Variants in SAMD5 observed in about 807,000 individuals in gnomAD.
The protein encoded by SAMD5 is sterile alpha motif domain containing 5.
SAMD5 carries 13 observed loss-of-function variants against 11.3 expected under a neutral mutation model. The ratio of observed to expected loss-of-function variants is 1.15; its 90% CI spans 0.75 to 1.83. SAMD5 has a LOEUF of 1.83. Ranked by LOEUF, SAMD5 falls within the 40% of genes most tolerant of loss-of-function variation. The pLI is 0.00. For missense variants in SAMD5, 255 were observed against 239.1 expected (o/e 1.07, Z -0.44); for synonymous variants, 129 against 111.3 (o/e 1.16, Z -1.00).
At chr6:147,768,107 A>G in the SAMD5 span, among the ~76,000 whole-genome samples, 1 of 152,210 alleles carries the variant, frequency 6.6e-6, no homozygotes. Context: ...CCAGTTATGG[A>G]AGCAAAGTGT....
At chr6:147,632,026 T>C (rs533187109) in intron 1 of SAMD5, among the ~76,000 whole-genome samples, 41 of 152,146 alleles carry the variant, frequency 2.7e-4, no homozygotes, top group African/African-American at 9.2e-4. Context: ...TTGCCTTGTG[T>C]GGGAAGAGAT....
chr6:147,803,951 G>A, the SAMD5 span, among the ~76,000 whole-genome samples: 3 of 151,894 alleles, frequency 2.0e-5, no homozygotes, highest in Non-Finnish European at 4.4e-5. Context: ...GCTCCTTCTC[G>A]CCTTGCAGAC....
intron 1 of SAMD5, among the ~76,000 whole-genome samples, chr6:147,513,467 C>T (rs1788119450): frequency 1.3e-5 from 2 of 152,066 alleles, no homozygotes; most frequent in South Asian, 4.2e-4. Flanking sequence ...AGGAGAACAG[C>T]GAGTTTGGGC....
intron 1 of SAMD5, among the ~76,000 whole-genome samples, chr6:147,674,418 C>T (rs991081996): frequency 2.6e-5 from 4 of 152,120 alleles, no homozygotes; most frequent in African/African-American, 9.7e-5. Flanking sequence ...CTCAAAGCCT[C>T]GATTCATAGC....
the SAMD5 span, among the ~76,000 whole-genome samples, chr6:147,750,723 A>G: frequency 6.6e-6 from 1 of 152,192 alleles, no homozygotes; most frequent in African/African-American, 2.4e-5. Flanking sequence ...CAGGAGTTTG[A>G]GACTACCCTG....
chr6:147,802,846 C>G, the SAMD5 span, among the ~76,000 whole-genome samples: 1 of 152,196 alleles, frequency 6.6e-6, no homozygotes, highest in Non-Finnish European at 1.5e-5. Context: ...CAATATGACA[C>G]AGTTTTTATG....
intron 1 of SAMD5, among the ~76,000 whole-genome samples, chr6:147,594,178 A>G (rs1944644): frequency 0.05 from 7,570 of 152,158 alleles, 571 homozygotes; most frequent in African/African-American, 0.16. Flanking sequence ...GTGCAACAAT[A>G]AGCACTTCCA....
chr6:147,586,636 T>C (rs1021790996), intron 1 of SAMD5, among the ~76,000 whole-genome samples: 1 of 151,944 alleles, frequency 6.6e-6, no homozygotes, highest in Non-Finnish European at 1.5e-5. Context: ...TACTCTGTGA[T>C]AATTGTGGGA....
At chr6:147,718,877 G>C (rs1791504967) in intron 1 of SAMD5, among the ~76,000 whole-genome samples, 1 of 152,122 alleles carries the variant, frequency 6.6e-6, no homozygotes. Context: ...TTTTAGTAGA[G>C]ATGGGGTTTC....
At chr6:147,806,599 C>T in the SAMD5 span, among the ~76,000 whole-genome samples, 2 of 152,196 alleles carry the variant, frequency 1.3e-5, no homozygotes, top group African/African-American at 4.8e-5. Flanking sequence ...TACCACTGAA[C>T]TAGAACCTTC....
At chr6:147,659,371 A>G (rs1790614968) in intron 1 of SAMD5, among the ~76,000 whole-genome samples, 1 of 152,098 alleles carries the variant, frequency 6.6e-6, no homozygotes, top group African/African-American at 2.4e-5. Flanking sequence ...AGCAAAGCTT[A>G]TCAATGTGAC....
At chr6:147,663,716 CG>C (rs1218309694) in intron 1 of SAMD5, among the ~76,000 whole-genome samples, 15 of 144,142 alleles carry the variant, frequency 1.0e-4, no homozygotes, top group Non-Finnish European at 1.6e-4. Context: ...CACTTGAACC[CG>C]GGGGGCAGAG....
At chr6:147,513,079 G>A (rs1788114052) in intron 1 of SAMD5, among the ~76,000 whole-genome samples, 1 of 152,164 alleles carries the variant, frequency 6.6e-6, no homozygotes, top group African/African-American at 2.4e-5. Context: ...GAGGAAGTTT[G>A]GCATCAACAG....
chr6:147,881,733 G>A, the SAMD5 span, among the ~76,000 whole-genome samples: 267 of 152,282 alleles, frequency 1.8e-3, 1 homozygote, highest in African/African-American at 5.7e-3. Context: ...TGCCAAAATC[G>A]GCTCCTTGCG....
In SAMD5 at chr6:147,568,387, A is replaced by G. The variant is rs971877105; in HGVS notation, c.*3931A>G. ...GTTAACATAATTAAAATGCTTGGAC[A>G]AAACATTTGCTTTATATAGATTCTT... On this transcript the variant is annotated 3_prime_UTR_variant, in exon 2 of 2. Coordinates refer to ENST00000367474, the MANE Select transcript of SAMD5 (RefSeq NM_001030060.3). The G allele has an allele frequency of 1.3e-5, 13 of 984,488 alleles. No homozygotes were observed. Among genetic ancestry groups the G allele is most frequent in the African/African-American group, 3.5e-5 (2 of 57,236 alleles). The allele number at this position is 984,488 out of a possible 1,614,324, so 61.0% of individuals were successfully genotyped here. A position where few individuals can be genotyped will look rare whatever the true frequency, so the allele number is the denominator to read the frequency against.
At chr6:147,764,096 GA>G in the SAMD5 span, among the ~76,000 whole-genome samples, 17 of 152,198 alleles carry the variant, frequency 1.1e-4, no homozygotes, top group African/African-American at 4.1e-4. Flanking sequence ...TGTGGGGGAA[GA>G]AAAGTAATTC....
At chr6:147,784,373 C>A in the SAMD5 span, among the ~76,000 whole-genome samples, 67 of 152,266 alleles carry the variant, frequency 4.4e-4, no homozygotes, top group South Asian at 1.0e-3. Flanking sequence ...TTTTCTAAAA[C>A]ACATGTGAAA....
chr6:147,933,119 C>T, the SAMD5 span, among the ~76,000 whole-genome samples: 2 of 152,104 alleles, frequency 1.3e-5, no homozygotes, highest in Middle Eastern at 3.2e-3. Flanking sequence ...AAAATTCCAT[C>T]ACAAAACAGA....
Position 147,576,417 on chromosome 6 carries a change from G to T in SAMD5, c.162+67030G>T, listed in dbSNP as rs149175350. ...CGGCCTCAAAGTGCTAGGATTACAG[G>T]CGTGAGCCACTGTGCCTGACCAAAT... On this transcript the variant is annotated intron_variant, in intron 1 of 1. Transcript: ENST00000566741. Among the ~76,000 whole-genome samples the T allele has an allele frequency of 8.7e-3, 1,331 of 152,262 alleles. 18 individuals are homozygous for T. The highest frequency in any genetic ancestry group is 9.0e-3 in the Non-Finnish European group (611 of 68,020).
Sources: gnomAD v4.1 joint callset for allele counts (sites outside exome capture counted in the v4.1 genomes callset) on GRCh38, gnomAD v4.1.1 for gene constraint, MANE v1.5 for transcripts, NCBI Gene and HGNC (gene_info 2026-07-23, HGNC 2026-07-21) for gene names.